MEIS2: variants seen among roughly 807,000 people sequenced by gnomAD.
MEIS2 encodes Meis homeobox 2.
Under a neutral mutation model 58.6 loss-of-function variants are expected in MEIS2, and 9 were observed. That is an observed-to-expected ratio of 0.15 (90% CI 0.09 to 0.27). The LOEUF is 0.27. Ranked by LOEUF, MEIS2 falls within the 10% of genes least tolerant of loss-of-function variation. The pLI, the probability that MEIS2 is intolerant of heterozygous loss-of-function variation, is 1.00. For missense variants in MEIS2, 427 were observed against 635.0 expected (o/e 0.67, Z 3.52); for synonymous variants, 221 against 228.4 (o/e 0.97, Z 0.29).
At chr15:36,927,706 G>A (rs531085878) in intron 9 of MEIS2, among the ~76,000 whole-genome samples, 48 of 127,984 alleles carry the variant, frequency 3.8e-4, no homozygotes, top group African/African-American at 1.2e-3. Context: ...AGACTATAGA[G>A]GAAGTGACCA....
At chr15:36,920,127 T>A (rs1426654720) in intron 9 of MEIS2, among the ~76,000 whole-genome samples, 1 of 135,956 alleles carries the variant, frequency 7.4e-6, no homozygotes, top group Admixed American at 7.2e-5. Context: ...CTTTTATTTA[T>A]TTATTTATTT....
At chr15:37,050,818 T>C (rs951274489) in intron 7 of MEIS2, 3 of 152,196 alleles carry the variant, frequency 2.0e-5, no homozygotes, top group African/African-American at 7.2e-5. Context: ...CTATTTCTTA[T>C]TTATATTTGT....
chr15:36,937,942 C>T (rs2058235759), intron 9 of MEIS2, among the ~76,000 whole-genome samples: 1 of 152,116 alleles, frequency 6.6e-6, no homozygotes, highest in African/African-American at 2.4e-5. Flanking sequence ...TCTTACTTTG[C>T]CTACTATTCC....
chr15:37,002,242 G>A (rs536021807), intron 8 of MEIS2, among the ~76,000 whole-genome samples: 124 of 151,968 alleles, frequency 8.2e-4, no homozygotes, highest in African/African-American at 3.0e-3. Flanking sequence ...GCACCGTCCT[G>A]CTGGCTCCAG....
chr15:36,928,828 C>A (rs2141322698), intron 9 of MEIS2, among the ~76,000 whole-genome samples: 1 of 152,234 alleles, frequency 6.6e-6, no homozygotes, highest in Non-Finnish European at 1.5e-5. Flanking sequence ...CTATCTTCCC[C>A]TGTGGGCCAA....
At chr15:36,912,153 C>T (rs1046945150) in intron 9 of MEIS2, among the ~76,000 whole-genome samples, 5 of 126,168 alleles carry the variant, frequency 4.0e-5, no homozygotes, top group Non-Finnish European at 8.5e-5. Flanking sequence ...ATTTTAGGTG[C>T]ACACAAAAGT....
At chr15:36,892,529 T>TAAAAA in intron 11 of MEIS2, 70 bp from the exon 12 acceptor site, 1 of 994,172 alleles carries the variant, frequency 1.0e-6, no homozygotes, top group Non-Finnish European at 1.4e-6. Context: ...CCATCAAAGA[T>TAAAAA]GAAAAGAAAA....
At chr15:36,921,557 C>T (rs917301791) in intron 9 of MEIS2, among the ~76,000 whole-genome samples, 4 of 152,154 alleles carry the variant, frequency 2.6e-5, no homozygotes, top group Admixed American at 6.5e-5. Context: ...GCCTCACTGT[C>T]GGTCTGTCTT....
intron 5 of MEIS2, 24 bp downstream of exon 5, chr15:37,094,503 C>A: frequency 1.2e-6 from 2 of 1,609,636 alleles, no homozygotes; most frequent in Non-Finnish European, 8.5e-7. Context: ...TTAATCAACA[C>A]GGGGAGCGTT....
At chr15:36,901,665 C>CTAAA (rs1459960580) in intron 9 of MEIS2, among the ~76,000 whole-genome samples, 1 of 152,022 alleles carries the variant, frequency 6.6e-6, no homozygotes, top group Non-Finnish European at 1.5e-5. Flanking sequence ...AACACATGAA[C>CTAAA]TAAATACTAA....
intron 8 of MEIS2, among the ~76,000 whole-genome samples, chr15:36,958,386 G>A (rs2059064651): frequency 6.6e-6 from 1 of 152,066 alleles, no homozygotes. Flanking sequence ...AGACACCAAA[G>A]TTAATGACTA....
chr15:37,068,937 T>A (rs1181768488), intron 7 of MEIS2, among the ~76,000 whole-genome samples: 1 of 152,216 alleles, frequency 6.6e-6, no homozygotes, highest in Non-Finnish European at 1.5e-5. Context: ...CTGTGATATT[T>A]CTGCATTAAA....
chr15:37,020,430 C>T (rs1274857268), intron 8 of MEIS2, among the ~76,000 whole-genome samples: 4 of 152,178 alleles, frequency 2.6e-5, no homozygotes, highest in African/African-American at 9.6e-5. Flanking sequence ...CTAGATCAAA[C>T]AAACCTTACA....
At chr15:36,894,907 G>T in intron 11 of MEIS2, 1 of 1,124,628 alleles carries the variant, frequency 8.9e-7, no homozygotes, top group Non-Finnish European at 1.4e-6. Flanking sequence ...TTCACTTATT[G>T]CCTTGGTTTA....
At chr15:36,985,269 T>C (rs1428179135) in intron 8 of MEIS2, among the ~76,000 whole-genome samples, 1 of 152,202 alleles carries the variant, frequency 6.6e-6, no homozygotes, top group African/African-American at 2.4e-5. Context: ...TCTTCTTCCA[T>C]CACGTTCTGA....
intron 4 of MEIS2, 83 bp downstream of exon 4, chr15:37,095,481 C>T: frequency 1.2e-6 from 2 of 1,603,262 alleles, no homozygotes; most frequent in Non-Finnish European, 1.7e-6. Context: ...GTTCTAACTC[C>T]CCAGAGCTCC....
chr15:37,010,517 G>A (rs915987464), intron 8 of MEIS2, among the ~76,000 whole-genome samples: 13 of 152,102 alleles, frequency 8.5e-5, no homozygotes, highest in African/African-American at 2.9e-4. Flanking sequence ...GGAGTAACTG[G>A]GACTACAGAC....
At chr15:37,045,680 T>C (rs959198340) in intron 7 of MEIS2, among the ~76,000 whole-genome samples, 5 of 152,184 alleles carry the variant, frequency 3.3e-5, no homozygotes, top group Admixed American at 6.5e-5. Flanking sequence ...CAGTGAGACC[T>C]GCTAATTACT....
At chr15:37,087,737 T>C (rs1748207864) in intron 6 of MEIS2, among the ~76,000 whole-genome samples, 1 of 152,048 alleles carries the variant, frequency 6.6e-6, no homozygotes, top group South Asian at 2.1e-4. Context: ...ACACTGGAAT[T>C]GTAACATTTT....
Sources: allele counts gnomAD v4.1 joint callset (sites outside exome capture counted in the v4.1 genomes callset), GRCh38; gene constraint gnomAD v4.1.1; transcripts MANE v1.5; gene names NCBI Gene and HGNC (gene_info 2026-07-23, HGNC 2026-07-21).